MYO3A: variants seen among roughly 807,000 people sequenced by gnomAD.
The protein encoded by MYO3A is myosin IIIA.
Under a neutral mutation model 192.7 loss-of-function variants are expected in MYO3A, and 180 were observed. The ratio of observed to expected loss-of-function variants is 0.93; its 90% CI spans 0.83 to 1.06. MYO3A has a LOEUF of 1.06. MYO3A is among the 50% of genes least tolerant of loss of function. MYO3A has a pLI of 0.00. For synonymous variants in MYO3A, 628 were observed against 645.3 expected, an observed-to-expected ratio of 0.97 and a Z score of 0.41; for missense variants, 1,896 against 1,905.0, an observed-to-expected ratio of 1.00 and a Z score of 0.09.
At chr10:26,175,654 T>A (rs538702506) in intron 30 of MYO3A, among the ~76,000 whole-genome samples, 1 of 152,270 alleles carries the variant, frequency 6.6e-6, no homozygotes, top group African/African-American at 2.4e-5. Flanking sequence ...CCATTTTTAA[T>A]TTACCCATCC....
chr10:26,165,715 C>G lies in MYO3A; in HGVS notation c.3000-352C>G, dbSNP rs1841708327. 6 of 301,432 alleles carry G rather than the reference C, an allele frequency of 2.0e-5. No individual in the cohort carries two copies. In the South Asian group the frequency reaches 2.3e-4, roughly 12 times the overall value. The allele number at this position is 301,432 out of a possible 1,614,324, so 18.7% of individuals were successfully genotyped here. A position where few individuals can be genotyped will look rare whatever the true frequency, so the allele number is the denominator to read the frequency against. On this transcript the variant is annotated intron_variant, in intron 26 of 34. Coordinates refer to ENST00000642920, the MANE Select transcript of MYO3A (RefSeq NM_017433.5). ...AAAAATAATTCCTTCTGCTTCCTGCCACTGCAGTCCTGCACTTTTTAGTGT... is the reference window on the plus strand; with the variant it reads ...AAAAATAATTCCTTCTGCTTCCTGCGACTGCAGTCCTGCACTTTTTAGTGT...
chr10:26,006,896 C>G (rs924694421), intron 6 of MYO3A, among the ~76,000 whole-genome samples: 15 of 151,126 alleles, frequency 9.9e-5, no homozygotes, highest in Non-Finnish European at 1.5e-4. Flanking sequence ...CCAGCATCAT[C>G]CTGATACCAA....
intron 11 of MYO3A, among the ~76,000 whole-genome samples, chr10:26,067,468 C>T (rs991726095): frequency 6.6e-6 from 1 of 152,104 alleles, no homozygotes; most frequent in African/African-American, 2.4e-5. Context: ...CTATTGTAAC[C>T]ACCATGTGGT....
At chr10:26,089,996 G>A (rs891956291) in intron 15 of MYO3A, among the ~76,000 whole-genome samples, 2 of 152,204 alleles carry the variant, frequency 1.3e-5, no homozygotes, top group Non-Finnish European at 2.9e-5. Flanking sequence ...ATTTATTGAT[G>A]TCTGTCCAGT....
intron 17 of MYO3A, among the ~76,000 whole-genome samples, chr10:26,120,279 A>G (rs1472579827): frequency 6.6e-6 from 1 of 152,148 alleles, no homozygotes; most frequent in Non-Finnish European, 1.5e-5. Flanking sequence ...ATATAGCCTC[A>G]CTTTTAAGAT....
intron 32 of MYO3A, among the ~76,000 whole-genome samples, chr10:26,197,956 A>G (rs1589117200): frequency 6.6e-6 from 1 of 152,198 alleles, no homozygotes; most frequent in East Asian, 1.9e-4. Context: ...GGCGAGGCCT[A>G]TGCTCGCTGT....
chr10:25,969,019 G>C (rs996433521), intron 4 of MYO3A, among the ~76,000 whole-genome samples: 6 of 152,134 alleles, frequency 3.9e-5, no homozygotes, highest in Non-Finnish European at 1.5e-5. Context: ...GTGGGCGGAT[G>C]ACAAGGTCAG....
intron 8 of MYO3A, 132 bp from the exon 9 acceptor site, chr10:26,023,890 G>C: frequency 1.2e-6 from 1 of 819,546 alleles, no homozygotes; most frequent in Non-Finnish European, 2.1e-6. Flanking sequence ...ATCTGTCTTG[G>C]AATTGGGAAA....
chr10:25,955,777 C>T (rs1835847547), intron 4 of MYO3A, among the ~76,000 whole-genome samples: 1 of 152,124 alleles, frequency 6.6e-6, no homozygotes, highest in Non-Finnish European at 1.5e-5. Flanking sequence ...CTTTATTTGA[C>T]AGCTATAACA....
chr10:26,154,876 T>C, intron 25 of MYO3A, 53 bp downstream of exon 25: 1 of 1,459,608 alleles, frequency 6.9e-7, no homozygotes, highest in Non-Finnish European at 9.5e-7. Flanking sequence ...TTAGTCTAAA[T>C]GAGTTACAGA....
chr10:26,011,321 C>T (rs2131009186), intron 6 of MYO3A, among the ~76,000 whole-genome samples: 1 of 152,178 alleles, frequency 6.6e-6, no homozygotes, highest in African/African-American at 2.4e-5. Context: ...GTAGTGCCAA[C>T]TACTTGGGAG....
At chr10:26,146,796 T>C (rs12219979) in intron 22 of MYO3A, among the ~76,000 whole-genome samples, 22,578 of 152,100 alleles carry the variant, frequency 0.15, 1,922 homozygotes, top group East Asian at 0.31. Context: ...ACAAAAATCT[T>C]TGGATAACAT....
chr10:26,161,862 C>G (rs938230243), intron 26 of MYO3A, among the ~76,000 whole-genome samples: 1 of 152,024 alleles, frequency 6.6e-6, no homozygotes, highest in African/African-American at 2.4e-5. Context: ...TGTGGCTTAC[C>G]TAAGTATTTA....
At chr10:26,155,606 C>T (rs1841067149) in intron 25 of MYO3A, among the ~76,000 whole-genome samples, 1 of 152,136 alleles carries the variant, frequency 6.6e-6, no homozygotes, top group Non-Finnish European at 1.5e-5. Flanking sequence ...AACTCTCTAG[C>T]AGAAACATAA....
intron 4 of MYO3A, among the ~76,000 whole-genome samples, chr10:25,978,155 T>C (rs1839074936): frequency 6.6e-6 from 1 of 152,244 alleles, no homozygotes; most frequent in Non-Finnish European, 1.5e-5. Flanking sequence ...TTTCATATGT[T>C]AAACTTAGAG....
chr10:26,144,735 A>T (rs1394461020), intron 21 of MYO3A, among the ~76,000 whole-genome samples: 1 of 152,130 alleles, frequency 6.6e-6, no homozygotes, highest in Non-Finnish European at 1.5e-5. Context: ...CAAGTAGTTT[A>T]CTTCCTCCGT....
intron 32 of MYO3A, among the ~76,000 whole-genome samples, chr10:26,193,881 C>T (rs1415112074): frequency 6.6e-6 from 1 of 152,214 alleles, no homozygotes; most frequent in Non-Finnish European, 1.5e-5. Flanking sequence ...CTTCTGACCC[C>T]TCAGCTCCTG....
chr10:26,103,951 C>T (rs138923018), intron 17 of MYO3A, among the ~76,000 whole-genome samples: 26 of 152,210 alleles, frequency 1.7e-4, no homozygotes, highest in African/African-American at 6.3e-4. Context: ...TGGTGCTGAA[C>T]TTCTTTTTCA....
Position 26,174,062 on chromosome 10 carries a change from G to T in MYO3A, c.3798G>T (p.Arg1266Ser), listed in dbSNP as rs1041479149. The part of the protein sequence containing the change: ...AYLERKAISE[R>S]PSYPVPWLAE... ...TAGAAAGGAAGGCCATATCAGAAAG[G>T]CCAAGCTACCCAGTGCCTTGGTTAG... Residue 1266 changes from arginine to serine, a missense_variant, in exon 30 of 35, where the codon AGG becomes AGT. Transcript: ENST00000642920. 8.1e-6 allele frequency: 13 copies of T among 1,614,126 alleles called. No homozygotes were observed. The highest frequency in any genetic ancestry group is 1.0e-5 in the Non-Finnish European group (12 of 1,180,034).
Sources: allele counts gnomAD v4.1 joint callset (sites outside exome capture counted in the v4.1 genomes callset), GRCh38; gene constraint gnomAD v4.1.1; transcripts MANE v1.5; gene names NCBI Gene and HGNC (gene_info 2026-07-23, HGNC 2026-07-21).